The following APLP2 variants were observed in gnomAD, a reference collection of about 807,000 sequenced individuals.
APLP2 encodes CDEI box-binding protein.
In APLP2, 53 loss-of-function variants were observed where a neutral mutation model predicts 89.9. The ratio of observed to expected loss-of-function variants is 0.59; its 90% CI spans 0.47 to 0.74. The LOEUF is 0.74. APLP2 is among the 30% of genes least tolerant of loss of function. The probability of loss-of-function intolerance (pLI) is 0.00; values close to 1 mark genes in which losing one functional copy is unlikely to be tolerated. For synonymous variants in APLP2, 372 were observed against 348.6 expected, an observed-to-expected ratio of 1.07 and a Z score of -0.75; for missense variants, 973 against 975.9, an observed-to-expected ratio of 1.00 and a Z score of 0.04.
At chr11:130,071,791 A>G (rs1430173298) in intron 1 of APLP2, among the ~76,000 whole-genome samples, 2 of 152,216 alleles carry the variant, frequency 1.3e-5, no homozygotes, top group Non-Finnish European at 2.9e-5. Context: ...ACATTTCTGA[A>G]AAATGGTTTT....
intron 3 of APLP2, among the ~76,000 whole-genome samples, chr11:130,120,031 G>A (rs1031766192): frequency 2.6e-5 from 4 of 152,128 alleles, no homozygotes; most frequent in Non-Finnish European, 5.9e-5. Context: ...ATGTCCCTGA[G>A]TTTGGATTTG....
intron 1 of APLP2, among the ~76,000 whole-genome samples, chr11:130,090,211 A>G (rs573068205): frequency 2.4e-4 from 37 of 151,710 alleles, no homozygotes; most frequent in African/African-American, 8.9e-4. Context: ...TTGCGCGTCA[A>G]AAGATGCTGG....
chr11:130,091,535 G>GT (rs1199529838), intron 1 of APLP2, among the ~76,000 whole-genome samples: 2 of 143,114 alleles, frequency 1.4e-5, no homozygotes, highest in African/African-American at 2.7e-5. Flanking sequence ...GGCTGGCCGG[G>GT]CGGGGGGCTG....
At chr11:130,110,431 G>A in intron 2 of APLP2, 107 bp from the exon 3 acceptor site, 1 of 1,346,466 alleles carries the variant, frequency 7.4e-7, no homozygotes, top group Admixed American at 2.1e-5. Flanking sequence ...TTAGATGTAT[G>A]TAGGATAAGG....
intron 1 of APLP2, among the ~76,000 whole-genome samples, chr11:130,077,107 T>C (rs1942274535): frequency 6.6e-6 from 1 of 152,198 alleles, no homozygotes; most frequent in African/African-American, 2.4e-5. Context: ...GTCTGGGAAG[T>C]TATGTAGCTG....
At chr11:130,110,865 C>G (rs1334960671) in intron 3 of APLP2, among the ~76,000 whole-genome samples, 1 of 152,038 alleles carries the variant, frequency 6.6e-6, no homozygotes, top group Non-Finnish European at 1.5e-5. Flanking sequence ...ACTCTGCCTT[C>G]CCATTGTAGA....
chr11:130,142,135 C>A, intron 16 of APLP2, 61 bp downstream of exon 16: 1 of 1,509,290 alleles, frequency 6.6e-7, no homozygotes, highest in South Asian at 1.3e-5. Flanking sequence ...GGGTGGGAAC[C>A]TGTGGAATTA....
chr11:130,131,348 C>T (rs982203089), intron 11 of APLP2, among the ~76,000 whole-genome samples: 1 of 152,210 alleles, frequency 6.6e-6, no homozygotes, highest in African/African-American at 2.4e-5. Flanking sequence ...ATCCGCCCAC[C>T]TCTGCCTCCC....
chr11:130,085,907 A>G (rs927655518), intron 1 of APLP2, among the ~76,000 whole-genome samples: 11 of 152,208 alleles, frequency 7.2e-5, no homozygotes, highest in African/African-American at 1.4e-4. Context: ...GTAATATTCC[A>G]TTGTGCATAT....
intron 1 of APLP2, among the ~76,000 whole-genome samples, chr11:130,086,526 C>T (rs1288654722): frequency 6.6e-6 from 1 of 152,058 alleles, no homozygotes; most frequent in African/African-American, 2.4e-5. Flanking sequence ...TTGATGAATT[C>T]CAGTTTATCT....
At chr11:130,095,030 A>G (rs962746675) in intron 1 of APLP2, among the ~76,000 whole-genome samples, 3 of 152,250 alleles carry the variant, frequency 2.0e-5, no homozygotes, top group African/African-American at 7.2e-5. Context: ...AGCAAGTAAA[A>G]GAAGATGCAG....
intron 16 of APLP2, among the ~76,000 whole-genome samples, chr11:130,142,547 G>A (rs1195711185): frequency 1.3e-5 from 2 of 152,078 alleles, no homozygotes; most frequent in African/African-American, 4.8e-5. Flanking sequence ...AATACAGTAA[G>A]GACCTTAATG....
In APLP2 at chr11:130,143,629, T is replaced by C; in HGVS notation, c.*181T>C. On this transcript the variant is annotated 3_prime_UTR_variant, in exon 17 of 17. Transcript: ENST00000338167. Reference sequence around the variant, plus strand: ...TGCAATTTCCATTCTTTTAAATGGGTGAAAAATGGTAATATAACAATATAT... The same window carrying C: ...TGCAATTTCCATTCTTTTAAATGGGCGAAAAATGGTAATATAACAATATAT... 2 of 573,518 alleles carry C rather than the reference T, an allele frequency of 3.5e-6. No homozygotes were observed. Among genetic ancestry groups the C allele is most frequent in the Non-Finnish European group, 6.2e-6 (2 of 320,158 alleles). The allele number at this position is 573,518 out of a possible 1,614,324, so 35.5% of individuals were successfully genotyped here.
rs770420784 is a variant in APLP2, at chr11:130,133,761, G to A, written c.1684+33G>A. ...CCAGCTCTTTGTGTCAAGGTCATAC[G>A]GGACTTCTTGCAGAGGCTCAGGAGT... On this transcript the variant is annotated intron_variant, in intron 12 of 16. Coordinates refer to ENST00000338167, the MANE Select transcript of APLP2 (RefSeq NM_001142276.2). The A allele has an allele frequency of 4.7e-5, 71 of 1,526,472 alleles. No individual in the cohort carries two copies. The South Asian group carries it at 6.7e-4, about 14-fold the overall frequency. 94.6% of individuals were successfully genotyped at this position (1,526,472 alleles called of 1,614,324 possible). A position where few individuals can be genotyped will look rare whatever the true frequency, so the allele number is the denominator to read the frequency against.
intron 1 of APLP2, among the ~76,000 whole-genome samples, chr11:130,089,672 C>G (rs941230798): frequency 2.0e-5 from 3 of 152,222 alleles, no homozygotes; most frequent in African/African-American, 4.8e-5. Flanking sequence ...TTTATTGTTT[C>G]ACTTTTCTGG....
intron 1 of APLP2, among the ~76,000 whole-genome samples, chr11:130,075,440 T>C (rs1941956923): frequency 6.6e-6 from 1 of 152,236 alleles, no homozygotes; most frequent in Admixed American, 6.5e-5. Flanking sequence ...ACCTGTTACA[T>C]GGTTCTGTGC....
Position 130,139,841 on chromosome 11 carries a change from C to T in APLP2, c.1838-557C>T, listed in dbSNP as rs144433636. On this transcript the variant is annotated intron_variant, in intron 13 of 16. Coordinates refer to ENST00000338167, the MANE Select transcript of APLP2 (RefSeq NM_001142276.2). ...GTGGTGGGAGATGCGGGAAGAAATC[C>T]GTAATGACAGACTGTTGTCATTACT... Among the ~76,000 whole-genome samples, 51 of 152,194 alleles carry T rather than the reference C, an allele frequency of 3.4e-4. 1 individual carries two copies. The East Asian group carries it at 9.3e-3, about 28-fold the overall frequency.
intron 1 of APLP2, among the ~76,000 whole-genome samples, chr11:130,091,045 ACACCCC>A (rs1944986577): frequency 8.0e-6 from 1 of 125,030 alleles, no homozygotes; most frequent in Non-Finnish European, 1.6e-5. Context: ...CGGGGGGCCG[ACACCCC>A]CACCTCCCTC....
At chr11:130,089,937 A>G (rs73583468) in intron 1 of APLP2, among the ~76,000 whole-genome samples, 4,339 of 152,166 alleles carry the variant, frequency 0.029, 195 homozygotes, top group East Asian at 0.24. Flanking sequence ...AGCAGTGACC[A>G]TATTTCCAAA....
Sources: allele counts gnomAD v4.1 joint callset (sites outside exome capture counted in the v4.1 genomes callset), GRCh38; gene constraint gnomAD v4.1.1; transcripts MANE v1.5; gene names NCBI Gene and HGNC (gene_info 2026-07-23, HGNC 2026-07-21).